CFAP221: variants seen among roughly 807,000 people sequenced by gnomAD.
CFAP221 encodes the protein cilia- and flagella-associated protein 221.
In CFAP221, 97 loss-of-function variants were observed where a neutral mutation model predicts 113.1. The ratio of observed to expected loss-of-function variants is 0.86; its 90% CI spans 0.73 to 1.02. CFAP221 has a LOEUF of 1.02. CFAP221 is among the 50% of genes least tolerant of loss of function. CFAP221 has a pLI of 0.00. For missense variants in CFAP221, 1,025 were observed against 1,013.4 expected (o/e 1.01, Z -0.16); for synonymous variants, 331 against 354.4 (o/e 0.93, Z 0.74).
intron 5 of CFAP221, among the ~76,000 whole-genome samples, chr2:119,561,790 T>C (rs1029445877): frequency 3.3e-5 from 5 of 152,248 alleles, no homozygotes; most frequent in Non-Finnish European, 7.3e-5. Context: ...TTAGCTTCCT[T>C]GGATAATAGC....
intron 14 of CFAP221, among the ~76,000 whole-genome samples, chr2:119,617,853 C>T (rs1437883289): frequency 6.6e-6 from 1 of 152,248 alleles, no homozygotes; most frequent in Non-Finnish European, 1.5e-5. Context: ...GCTACCAGGT[C>T]ACATCGGATT....
chr2:119,608,391 C>T, intron 11 of CFAP221, 111 bp from the exon 12 acceptor site: 2 of 721,842 alleles, frequency 2.8e-6, no homozygotes, highest in Non-Finnish European at 4.5e-6. Flanking sequence ...GTGTCTCCTC[C>T]AGCATCTCAG....
intron 2 of CFAP221, among the ~76,000 whole-genome samples, chr2:119,547,507 C>G (rs1680133061): frequency 6.6e-6 from 1 of 152,062 alleles, no homozygotes; most frequent in Non-Finnish European, 1.5e-5. Context: ...TGCAGTGAGC[C>G]AAGATGGCGC....
At chr2:119,572,503 C>A in intron 6 of CFAP221, 1 of 683,858 alleles carries the variant, frequency 1.5e-6, no homozygotes, top group Non-Finnish European at 2.7e-6. Context: ...TCCCATGGTT[C>A]TAAAAAGATT....
intron 6 of CFAP221, among the ~76,000 whole-genome samples, chr2:119,565,186 G>A (rs1264939613): frequency 6.6e-6 from 1 of 152,054 alleles, no homozygotes; most frequent in African/African-American, 2.4e-5. Flanking sequence ...AACCCTTCCT[G>A]TGTTCGCTCA....
chr2:119,551,575 G>C (rs1212692287), intron 3 of CFAP221, among the ~76,000 whole-genome samples: 2 of 152,138 alleles, frequency 1.3e-5, no homozygotes, highest in Non-Finnish European at 2.9e-5. Flanking sequence ...GTAAATGTAA[G>C]AGTTTATTTC....
At chr2:119,600,901 A>G (rs1684321438) in intron 7 of CFAP221, among the ~76,000 whole-genome samples, 1 of 152,232 alleles carries the variant, frequency 6.6e-6, no homozygotes, top group South Asian at 2.1e-4. Flanking sequence ...CCACTTAATG[A>G]ATAACAAATA....
intron 7 of CFAP221, among the ~76,000 whole-genome samples, chr2:119,597,101 G>A (rs968934971): frequency 1.3e-5 from 2 of 152,172 alleles, no homozygotes; most frequent in Non-Finnish European, 2.9e-5. Context: ...ATTGTTTCTT[G>A]TTTTATTTAG....
intron 21 of CFAP221, among the ~76,000 whole-genome samples, chr2:119,642,174 A>C (rs1687532206): frequency 6.6e-6 from 1 of 152,170 alleles, no homozygotes; most frequent in South Asian, 2.1e-4. Flanking sequence ...TTTCTAAATA[A>C]ACTGCAGTTG....
At chr2:119,651,884 G>A in intron 22 of CFAP221, 90 bp from the exon 23 acceptor site, 1 of 987,480 alleles carries the variant, frequency 1.0e-6, no homozygotes, top group Non-Finnish European at 1.5e-6. Flanking sequence ...CACAAGAATT[G>A]CATAACTCCT....
chr2:119,554,857 T>A (rs1680677269), intron 3 of CFAP221, among the ~76,000 whole-genome samples: 1 of 152,228 alleles, frequency 6.6e-6, no homozygotes, highest in Non-Finnish European at 1.5e-5. Flanking sequence ...TGTCCTTGGA[T>A]CCCTTATGTT....
chr2:119,639,718 A>G, intron 20 of CFAP221, 63 bp from the exon 21 acceptor site: 2 of 1,330,142 alleles, frequency 1.5e-6, no homozygotes, highest in South Asian at 1.2e-5. Context: ...GAATAAAACA[A>G]AAGTCCTTCA....
At chr2:119,557,711 C>T (rs944985486) in intron 3 of CFAP221, among the ~76,000 whole-genome samples, 1 of 152,100 alleles carries the variant, frequency 6.6e-6, no homozygotes, top group African/African-American at 2.4e-5. Context: ...TCACAAAGCA[C>T]TCCTAGAAGC....
rs756572156 is a variant in CFAP221, at chr2:119,587,195, C to G, written c.604C>G (p.Gln202Glu). The G allele has an allele frequency of 2.2e-5, 34 of 1,531,010 alleles. No homozygotes were observed. The Middle Eastern group carries it at 6.7e-4, about 30-fold the overall frequency. 94.8% of individuals were successfully genotyped at this position (1,531,010 alleles called of 1,614,324 possible). The change falls in exon 7 of 24, where the codon CAA becomes GAA. Residue 202 changes from glutamine to glutamate, a missense_variant. Coordinates refer to ENST00000413369, the MANE Select transcript of CFAP221 (RefSeq NM_001271049.2). ...TTATATCACCTTGATTCAGTCTCAT[C>G]AAGCCTTTGCTATTGAGCCAACATC... The part of the protein sequence containing the change: ...EFYITLIQSH[Q>E]AFAIEPTSGI...
intron 6 of CFAP221, among the ~76,000 whole-genome samples, chr2:119,571,774 G>C (rs1682077219): frequency 6.6e-6 from 1 of 152,182 alleles, no homozygotes. Context: ...CTACTTCACA[G>C]CTAAAAAAGA....
chr2:119,625,263 A>G (rs1452558491), intron 14 of CFAP221, among the ~76,000 whole-genome samples: 1 of 152,224 alleles, frequency 6.6e-6, no homozygotes, highest in African/African-American at 2.4e-5. Context: ...ATTACTATTC[A>G]GACATATCCA....
chr2:119,554,088 C>T (rs757565684), intron 3 of CFAP221, among the ~76,000 whole-genome samples: 2 of 152,184 alleles, frequency 1.3e-5, no homozygotes, highest in African/African-American at 2.4e-5. Context: ...CCTGTTTCCA[C>T]GGCAAAGTGA....
chr2:119,605,698 T>C (rs191233238), intron 11 of CFAP221, among the ~76,000 whole-genome samples: 87 of 152,298 alleles, frequency 5.7e-4, no homozygotes, highest in African/African-American at 2.0e-3. Flanking sequence ...GGGGGGCTCC[T>C]AATGGAGGTT....
intron 2 of CFAP221, among the ~76,000 whole-genome samples, chr2:119,546,564 C>A (rs965581590): frequency 3.9e-5 from 6 of 152,162 alleles, no homozygotes; most frequent in African/African-American, 1.2e-4. Flanking sequence ...ACTCCTCCCC[C>A]ACCACATTCT....
Sources: allele counts gnomAD v4.1 joint callset (sites outside exome capture counted in the v4.1 genomes callset), GRCh38; gene constraint gnomAD v4.1.1; transcripts MANE v1.5; gene names NCBI Gene and HGNC (gene_info 2026-07-23, HGNC 2026-07-21).